Variants in NBEA observed in about 807,000 individuals in gnomAD.
NBEA encodes neurobeachin, also known as lysosomal-trafficking regulator 2.
Under a neutral mutation model 343.4 loss-of-function variants are expected in NBEA, and 44 were observed. That is an observed-to-expected ratio of 0.13 (90% CI 0.10 to 0.16). The LOEUF is 0.16. Among genes scored for constraint, NBEA ranks in the 10% least tolerant of loss-of-function variants. NBEA has a pLI of 1.00. For missense variants in NBEA, 2,555 were observed against 3,631.3 expected, an observed-to-expected ratio of 0.70 and a Z score of 7.62; for synonymous variants, 1,175 against 1,238.7, an observed-to-expected ratio of 0.95 and a Z score of 1.08.
intron 34 of NBEA, among the ~76,000 whole-genome samples, chr13:35,240,119 A>T (rs1383668653): frequency 6.6e-6 from 1 of 151,460 alleles, no homozygotes; most frequent in Non-Finnish European, 1.5e-5. Context: ...GGATATGTTT[A>T]AATCTATGTA....
intron 1 of NBEA, among the ~76,000 whole-genome samples, chr13:34,995,163 G>T (rs1177418953): frequency 6.6e-6 from 1 of 152,100 alleles, no homozygotes; most frequent in African/African-American, 2.4e-5. Context: ...TATTAAAAAG[G>T]AAAAACTGGC....
At chr13:35,383,628 C>T (rs879574037) in intron 38 of NBEA, among the ~76,000 whole-genome samples, 4 of 152,038 alleles carry the variant, frequency 2.6e-5, no homozygotes, top group South Asian at 2.1e-4. Flanking sequence ...GACTGGTCCT[C>T]GTGCAGGCAT....
chr13:35,519,190 G>C (rs925104679), intron 41 of NBEA, among the ~76,000 whole-genome samples: 5 of 151,952 alleles, frequency 3.3e-5, no homozygotes, highest in African/African-American at 9.7e-5. Context: ...CCTGTAAGCT[G>C]TTTTTAAATG....
At chr13:35,378,774 A>G (rs2041869831) in intron 38 of NBEA, among the ~76,000 whole-genome samples, 1 of 151,910 alleles carries the variant, frequency 6.6e-6, no homozygotes, top group African/African-American at 2.4e-5. Flanking sequence ...ACAGACAATT[A>G]CCAACACCCT....
chr13:35,368,510 AT>A (rs1346535350), intron 38 of NBEA, among the ~76,000 whole-genome samples: 2 of 151,608 alleles, frequency 1.3e-5, no homozygotes, highest in African/African-American at 4.8e-5. Context: ...CCAATAAAAT[AT>A]TTTTTATTTT....
At chr13:35,392,881 G>A (rs892096517) in intron 38 of NBEA, among the ~76,000 whole-genome samples, 1 of 152,182 alleles carries the variant, frequency 6.6e-6, no homozygotes, top group African/African-American at 2.4e-5. Context: ...TGAGTTAGCA[G>A]TATTCAAAAG....
chr13:34,982,788 A>C (rs557160178), intron 1 of NBEA, among the ~76,000 whole-genome samples: 2 of 152,292 alleles, frequency 1.3e-5, no homozygotes, highest in East Asian at 3.9e-4. Context: ...CAATTAAGTC[A>C]AGTTAATTAT....
chr13:35,340,532 T>G (rs2039530095), intron 36 of NBEA, among the ~76,000 whole-genome samples: 1 of 152,116 alleles, frequency 6.6e-6, no homozygotes, highest in Admixed American at 6.6e-5. Flanking sequence ...AAACAAGTTC[T>G]GTTAATGGAT....
At chr13:34,956,041 A>T (rs1285173113) in intron 1 of NBEA, among the ~76,000 whole-genome samples, 1 of 152,202 alleles carries the variant, frequency 6.6e-6, no homozygotes, top group Non-Finnish European at 1.5e-5. Context: ...GTTGAAAGAT[A>T]TATTGTTATA....
At chr13:35,556,751 A>T (rs1468650471) in intron 44 of NBEA, among the ~76,000 whole-genome samples, 1 of 152,146 alleles carries the variant, frequency 6.6e-6, no homozygotes, top group Admixed American at 6.5e-5. Context: ...TTCATTGCTT[A>T]TATTCGCAAA....
At chr13:35,271,990 C>G (rs767119321) in intron 34 of NBEA, among the ~76,000 whole-genome samples, 23 of 152,128 alleles carry the variant, frequency 1.5e-4, no homozygotes, top group Non-Finnish European at 2.9e-4. Flanking sequence ...CATTCAAATT[C>G]AGGAAATACA....
At chr13:35,663,665 G>A (rs2085213215) in intron 55 of NBEA, among the ~76,000 whole-genome samples, 1 of 152,076 alleles carries the variant, frequency 6.6e-6, no homozygotes, top group Non-Finnish European at 1.5e-5. Flanking sequence ...GAAGCCCAGG[G>A]CATCTTTGAA....
intron 36 of NBEA, among the ~76,000 whole-genome samples, chr13:35,309,990 A>G (rs572742680): frequency 6.6e-6 from 1 of 152,240 alleles, no homozygotes; most frequent in Admixed American, 6.5e-5. Context: ...CATGTCATGC[A>G]TTCAATGTCC....
intron 55 of NBEA, 28 bp downstream of exon 55, chr13:35,655,777 T>C (rs2153082095): frequency 1.3e-6 from 2 of 1,585,084 alleles, no homozygotes; most frequent in East Asian, 4.5e-5. Context: ...ATTTGTCCTA[T>C]CAAACTATAG....
In NBEA at chr13:35,567,015, A is replaced by C. The variant is rs777766615; in HGVS notation, c.7033A>C (p.Lys2345Gln). 1 of 1,572,734 alleles carries C rather than the reference A, an allele frequency of 6.4e-7. No individual in the cohort carries two copies. Among genetic ancestry groups the C allele is most frequent in the Non-Finnish European group, 8.7e-7 (1 of 1,144,436 alleles). ...TCCAGGAAACTTCAGGGATCTATCA[A>C]AGGTAACTTTTAAATATATAGAAGT... ...TLPGNFRDLS[K>Q]PIGALNPKRA... The change falls in exon 45 of 59, where the codon AAG becomes CAG. Residue 2345 changes from lysine to glutamine, a missense_variant and splice_region_variant. This residue lies in a region of NBEA where 156 missense variants were observed against 185.8 expected (regional missense o/e 0.84). Transcript: ENST00000379939.
At chr13:35,117,186 C>A (rs56072066) in intron 13 of NBEA, among the ~76,000 whole-genome samples, 4,204 of 151,620 alleles carry the variant, frequency 0.028, 86 homozygotes, top group South Asian at 0.075. Flanking sequence ...TTAAAAAGTT[C>A]TTTTTTCCAC....
intron 49 of NBEA, among the ~76,000 whole-genome samples, chr13:35,639,330 TA>T (rs570188250): frequency 1.0e-3 from 153 of 152,298 alleles, no homozygotes; most frequent in African/African-American, 3.5e-3. Context: ...TTTCCAGCAT[TA>T]AAAAGTAATG....
chr13:35,009,593 G>A (rs557952838), intron 1 of NBEA, among the ~76,000 whole-genome samples: 23 of 152,320 alleles, frequency 1.5e-4, no homozygotes, highest in African/African-American at 5.5e-4. Context: ...GACAGATCAT[G>A]TAGAGTGCTG....
chr13:35,401,934 A>G (rs1407056697), intron 38 of NBEA, among the ~76,000 whole-genome samples: 1 of 152,052 alleles, frequency 6.6e-6, no homozygotes, highest in Non-Finnish European at 1.5e-5. Flanking sequence ...ATTGATTACG[A>G]GTGCAGCTGT....
Sources: gnomAD v4.1 joint callset for allele counts (sites outside exome capture counted in the v4.1 genomes callset) on GRCh38, gnomAD v4.1.1 for gene constraint, gnomAD v4.1.1 regional missense constraint, MANE v1.5 for transcripts, NCBI Gene and HGNC (gene_info 2026-07-23, HGNC 2026-07-21) for gene names.